The following SLC9A9 variants were observed in gnomAD, a reference collection of about 807,000 sequenced individuals.
SLC9A9 encodes sodium/hydrogen exchanger 9.
In SLC9A9, 62 loss-of-function variants were observed where a neutral mutation model predicts 77.8. The ratio of observed to expected loss-of-function variants is 0.80; its 90% CI spans 0.65 to 0.98. The LOEUF (loss-of-function observed/expected upper bound fraction) is 0.98. Ranked by LOEUF, SLC9A9 falls within the 50% of genes least tolerant of loss-of-function variation. The pLI, the probability that SLC9A9 is intolerant of heterozygous loss-of-function variation, is 0.00. For missense variants in SLC9A9, 775 were observed against 774.9 expected, an observed-to-expected ratio of 1.00 and a Z score of 0.00; for synonymous variants, 320 against 283.5, an observed-to-expected ratio of 1.13 and a Z score of -1.29.
intron 12 of SLC9A9, among the ~76,000 whole-genome samples, chr3:143,449,774 T>A (rs1303389840): frequency 1.1e-5 from 1 of 89,724 alleles, no homozygotes; most frequent in Non-Finnish European, 1.9e-5. Context: ...TATAATTATA[T>A]ATATTTATAT....
intron 12 of SLC9A9, among the ~76,000 whole-genome samples, chr3:143,416,321 A>T (rs529368288): frequency 8.8e-4 from 134 of 152,316 alleles, no homozygotes; most frequent in South Asian, 2.1e-3. Context: ...TTCTATATGG[A>T]TAAAATTCTA....
At chr3:143,353,614 T>TAAA (rs990778757) in intron 14 of SLC9A9, among the ~76,000 whole-genome samples, 1 of 152,100 alleles carries the variant, frequency 6.6e-6, no homozygotes, top group Admixed American at 6.6e-5. Context: ...CTGAACAAAC[T>TAAA]AAAAAAACAC....
At chr3:143,492,599 T>C (rs1183752208) in intron 11 of SLC9A9, among the ~76,000 whole-genome samples, 4 of 152,186 alleles carry the variant, frequency 2.6e-5, no homozygotes, top group Non-Finnish European at 4.4e-5. Flanking sequence ...CTCACAGACC[T>C]GGGTTCAAGA....
intron 14 of SLC9A9, among the ~76,000 whole-genome samples, chr3:143,281,568 TG>T (rs1247787775): frequency 1.3e-5 from 2 of 152,120 alleles, no homozygotes; most frequent in Admixed American, 6.5e-5. Context: ...TGGGATGAGT[TG>T]ACTTGAGGAC....
intron 12 of SLC9A9, among the ~76,000 whole-genome samples, chr3:143,402,583 A>C (rs373112664): frequency 2.6e-5 from 4 of 151,936 alleles, no homozygotes; most frequent in African/African-American, 9.6e-5. Flanking sequence ...TATATTCCAA[A>C]TGAATTAACC....
At chr3:143,615,146 C>A in intron 6 of SLC9A9, among the ~76,000 whole-genome samples, 1 of 152,108 alleles carries the variant, frequency 6.6e-6, no homozygotes, top group East Asian at 1.9e-4. Context: ...CCTAGCAGAC[C>A]CAGAGGCCTG....
At chr3:143,606,148 C>G (rs2037917775) in intron 6 of SLC9A9, among the ~76,000 whole-genome samples, 1 of 113,302 alleles carries the variant, frequency 8.8e-6, no homozygotes, top group Non-Finnish European at 1.8e-5. Context: ...GTCTGTAATC[C>G]TAGCACAGCA....
chr3:143,522,147 A>G (rs994707028), intron 9 of SLC9A9, among the ~76,000 whole-genome samples: 2 of 152,166 alleles, frequency 1.3e-5, no homozygotes, highest in African/African-American at 4.8e-5. Context: ...CACAAACCTC[A>G]TAGTCAAACT....
chr3:143,623,406 C>A (rs558186287), intron 6 of SLC9A9, among the ~76,000 whole-genome samples: 12 of 152,290 alleles, frequency 7.9e-5, no homozygotes, highest in African/African-American at 2.9e-4. Flanking sequence ...GAAATTATAA[C>A]AAACTGTCTT....
chr3:143,396,316 G>C (rs946972939), intron 12 of SLC9A9, among the ~76,000 whole-genome samples: 3 of 151,060 alleles, frequency 2.0e-5, no homozygotes, highest in African/African-American at 7.3e-5. Context: ...GGATGAAGCT[G>C]GAAACCATTC....
chr3:143,634,128 T>C (rs554258249), intron 6 of SLC9A9, among the ~76,000 whole-genome samples: 23 of 152,340 alleles, frequency 1.5e-4, no homozygotes, highest in Non-Finnish European at 2.6e-4. Flanking sequence ...TTTCTGCCTA[T>C]GTGCTCCCAT....
At chr3:143,757,913 A>C (rs1272115365) in intron 4 of SLC9A9, among the ~76,000 whole-genome samples, 1 of 152,186 alleles carries the variant, frequency 6.6e-6, no homozygotes, top group African/African-American at 2.4e-5. Flanking sequence ...AAGTCAATGC[A>C]GTCACTAGGT....
At chr3:143,651,929 C>T (rs374627643) in intron 6 of SLC9A9, among the ~76,000 whole-genome samples, 76 of 151,962 alleles carry the variant, frequency 5.0e-4, no homozygotes, top group African/African-American at 1.6e-3. Context: ...TTATATAAGG[C>T]GAAAAATTAA....
At chr3:143,528,257 G>A (rs1410372421) in intron 9 of SLC9A9, among the ~76,000 whole-genome samples, 3 of 152,038 alleles carry the variant, frequency 2.0e-5, no homozygotes, top group African/African-American at 2.4e-5. Flanking sequence ...TCCTTTTAGC[G>A]GCCAGCAAAA....
At chr3:143,397,057 G>A (rs116668819) in intron 12 of SLC9A9, among the ~76,000 whole-genome samples, 90 of 152,304 alleles carry the variant, frequency 5.9e-4, no homozygotes, top group African/African-American at 2.1e-3. Flanking sequence ...CCTTGAGTTT[G>A]AAGTACTTAG....
intron 14 of SLC9A9, among the ~76,000 whole-genome samples, chr3:143,346,351 T>A (rs79327980): frequency 0.012 from 1,828 of 152,338 alleles, 34 homozygotes; most frequent in African/African-American, 0.042. Flanking sequence ...TTATTCTTAA[T>A]GAAATAAAGG....
chr3:143,763,035 C>T (rs1560068256), intron 4 of SLC9A9, among the ~76,000 whole-genome samples: 2 of 152,052 alleles, frequency 1.3e-5, no homozygotes, highest in South Asian at 2.1e-4. Context: ...AAAGAGGAGG[C>T]GATGGAACTA....
At chr3:143,415,538 G>A (rs1437414804) in intron 12 of SLC9A9, among the ~76,000 whole-genome samples, 1 of 152,140 alleles carries the variant, frequency 6.6e-6, no homozygotes, top group Non-Finnish European at 1.5e-5. Flanking sequence ...GCCTGATGAT[G>A]CCACATCTGT....
intron 2 of SLC9A9, among the ~76,000 whole-genome samples, chr3:143,800,187 G>A (rs1465760437): frequency 6.6e-6 from 1 of 152,010 alleles, no homozygotes; most frequent in African/African-American, 2.4e-5. Context: ...ACAGGTATGG[G>A]ACACCTCTGC....
Sources: allele counts gnomAD v4.1 joint callset (sites outside exome capture counted in the v4.1 genomes callset), GRCh38; gene constraint gnomAD v4.1.1; transcripts MANE v1.5; gene names NCBI Gene and HGNC (gene_info 2026-07-23, HGNC 2026-07-21).